Variants in WDR72 observed in about 807,000 individuals in gnomAD.
The protein encoded by WDR72 is WD repeat-containing protein 72.
Under a neutral mutation model 124.2 loss-of-function variants are expected in WDR72, and 120 were observed. The observed-to-expected ratio is 0.97, with a 90% CI of 0.83 to 1.12. The LOEUF is 1.12. Among genes scored for constraint, WDR72 ranks in the 50% most tolerant of loss-of-function variants. WDR72 has a pLI of 0.00. For missense variants in WDR72, 1,387 were observed against 1,278.8 expected, an observed-to-expected ratio of 1.08 and a Z score of -1.29; for synonymous variants, 452 against 441.7, an observed-to-expected ratio of 1.02 and a Z score of -0.29.
At chr15:53,575,408 G>T (rs1894717184) in intron 18 of WDR72, among the ~76,000 whole-genome samples, 1 of 152,028 alleles carries the variant, frequency 6.6e-6, no homozygotes, top group South Asian at 2.1e-4. Context: ...AACCATGATT[G>T]TTCTGCAAAT....
At chr15:53,662,041 T>C (rs193174521) in intron 14 of WDR72, among the ~76,000 whole-genome samples, 1 of 152,336 alleles carries the variant, frequency 6.6e-6, no homozygotes, top group African/African-American at 2.4e-5. Flanking sequence ...TGTTTTTACC[T>C]TAAAATATCA....
At chr15:53,548,273 C>G (rs1309473269) in intron 18 of WDR72, among the ~76,000 whole-genome samples, 1 of 152,168 alleles carries the variant, frequency 6.6e-6, no homozygotes, top group Admixed American at 6.5e-5. Flanking sequence ...GGTAAGGTAT[C>G]TTTTATAGGT....
chr15:53,703,463 T>A (rs2140526764), intron 11 of WDR72, among the ~76,000 whole-genome samples: 1 of 151,842 alleles, frequency 6.6e-6, no homozygotes, highest in East Asian at 1.9e-4. Flanking sequence ...ACTTACTAGA[T>A]ATGTCACCAC....
At chr15:53,713,204 A>AC (rs1241055281) in intron 6 of WDR72, among the ~76,000 whole-genome samples, 1 of 151,076 alleles carries the variant, frequency 6.6e-6, no homozygotes, top group Non-Finnish European at 1.5e-5. Flanking sequence ...AAAAAAAAAA[A>AC]AGCTGTGATC....
chr15:53,641,533 G>A (rs1359975845), intron 14 of WDR72, among the ~76,000 whole-genome samples: 1 of 151,970 alleles, frequency 6.6e-6, no homozygotes, highest in African/African-American at 2.4e-5. Context: ...ACCCACTAAG[G>A]AGATTTTGAA....
intron 16 of WDR72, 99 bp downstream of exon 16, chr15:53,613,567 T>C: frequency 1.2e-6 from 1 of 800,114 alleles, no homozygotes; most frequent in South Asian, 1.4e-5. Context: ...TTTATATATG[T>C]TATTTATTTT....
chr15:53,556,932 C>T (rs1893955125), intron 18 of WDR72, among the ~76,000 whole-genome samples: 1 of 152,024 alleles, frequency 6.6e-6, no homozygotes, highest in East Asian at 1.9e-4. Context: ...CATACACATA[C>T]AATAACTTGA....
At chr15:53,669,208 G>C (rs2015904807) in intron 13 of WDR72, among the ~76,000 whole-genome samples, 1 of 152,098 alleles carries the variant, frequency 6.6e-6, no homozygotes, top group Non-Finnish European at 1.5e-5. Flanking sequence ...ATACTCTTTG[G>C]GTAGTTTTGT....
intron 17 of WDR72, among the ~76,000 whole-genome samples, chr15:53,605,333 C>T (rs1441254537): frequency 6.6e-6 from 1 of 152,098 alleles, no homozygotes; most frequent in Non-Finnish European, 1.5e-5. Flanking sequence ...ACACTGCAAC[C>T]TACTGAAGAA....
In WDR72 at chr15:53,734,766, C is replaced by T. The variant is rs1182268666; in HGVS notation, c.-12-1605G>A. On this transcript the variant is annotated intron_variant, in intron 1 of 19. Transcript: ENST00000360509. Reference sequence around the variant, plus strand: ...TAAGAAAGAGTATTTCCAAATCTCCCAAGAAAAATCTGTCAAGCCTGAAGT... The same window carrying T: ...TAAGAAAGAGTATTTCCAAATCTCCTAAGAAAAATCTGTCAAGCCTGAAGT... 2.0e-5 allele frequency among the ~76,000 whole-genome samples: 3 copies of T among 149,906 alleles called. No homozygotes were observed. The East Asian group carries it at 5.9e-4, about 30-fold the overall frequency.
At chr15:53,536,545 A>G (rs1892775555) in intron 18 of WDR72, among the ~76,000 whole-genome samples, 1 of 152,058 alleles carries the variant, frequency 6.6e-6, no homozygotes, top group African/African-American at 2.4e-5. Flanking sequence ...TCTATAAGAG[A>G]GCTTGGGGAA....
chr15:53,576,480 C>T (rs1384226003), intron 18 of WDR72, among the ~76,000 whole-genome samples: 1 of 152,172 alleles, frequency 6.6e-6, no homozygotes, highest in Non-Finnish European at 1.5e-5. Flanking sequence ...GCAAATGACA[C>T]ATCTTATTGT....
chr15:53,721,298 G>T (rs1040020342), intron 3 of WDR72, among the ~76,000 whole-genome samples: 11 of 152,194 alleles, frequency 7.2e-5, no homozygotes, highest in African/African-American at 2.6e-4. Flanking sequence ...TTTGGAGTTA[G>T]ATCACTATGG....
intron 14 of WDR72, among the ~76,000 whole-genome samples, chr15:53,663,284 T>C (rs1012581733): frequency 3.3e-5 from 5 of 152,034 alleles, no homozygotes; most frequent in Admixed American, 3.3e-4. Flanking sequence ...AAGTATAGTA[T>C]GTAGGACAAA....
intron 13 of WDR72, chr15:53,684,298 C>T (rs970650069): frequency 2.7e-4 from 42 of 156,756 alleles, no homozygotes; most frequent in Non-Finnish European, 4.0e-4. Flanking sequence ...TCTGAGGGAC[C>T]GGGTTCATCT....
In WDR72 at chr15:53,616,185, C is replaced by T; in HGVS notation, c.2021G>A (p.Trp674Ter). ...AAGAATATGAAAGCCAACGTTACTC[C>T]ATTTTGTCTTCACAGGCAAGACATT... ...PFNVLPVKTK[W>*]SNVGFHILLF... is the part of the protein sequence containing the mutation. Residue 674 changes from tryptophan (W) to a stop codon, truncating the protein, a stop_gained, in exon 15 of 20, where the codon TGG (tryptophan) becomes TAG (stop). Coordinates refer to ENST00000360509, the MANE Select transcript of WDR72 (RefSeq NM_182758.4). LOFTEE classifies it high-confidence loss of function. The T allele has an allele frequency of 6.2e-7, 1 of 1,606,818 alleles. No individual in the cohort carries two copies. The highest frequency in any genetic ancestry group is 1.1e-5 in the South Asian group (1 of 90,680).
At chr15:53,605,855 A>G (rs964138153) in intron 17 of WDR72, among the ~76,000 whole-genome samples, 3 of 152,114 alleles carry the variant, frequency 2.0e-5, no homozygotes, top group African/African-American at 7.2e-5. Context: ...AAAAGATAAT[A>G]ATAATTTGAG....
At chr15:53,561,540 GA>G (rs1488156472) in intron 18 of WDR72, among the ~76,000 whole-genome samples, 2 of 151,668 alleles carry the variant, frequency 1.3e-5, no homozygotes, top group Non-Finnish European at 2.9e-5. Flanking sequence ...TTTCTCCCTA[GA>G]AACTCATATA....
rs764208120 is a variant in WDR72 at position 53,733,072 on chromosome 15, A to C, written c.78T>G (p.Thr26=). The C allele has an allele frequency of 1.2e-6, 2 of 1,613,972 alleles. No individual in the cohort carries two copies. The highest frequency in any genetic ancestry group is 2.7e-5 in the African/African-American group (2 of 74,908). Residue 26 remains threonine (T), a synonymous_variant, in exon 2 of 20, where the codon ACT becomes ACG. Transcript: ENST00000360509. ...PPHSITAIMI[T]DDQRTIVTGS... is the part of the protein sequence containing the mutation. ...CAGTCACAATCGTTCGCTGGTCATC[A>C]GTGATCATGATGGCAGTGATGCTGT...
Sources: gnomAD v4.1 joint callset for allele counts (sites outside exome capture counted in the v4.1 genomes callset) on GRCh38, gnomAD v4.1.1 for gene constraint, MANE v1.5 for transcripts, NCBI Gene and HGNC (gene_info 2026-07-23, HGNC 2026-07-21) for gene names.